The following PDE2A variants were observed in gnomAD, a reference collection of about 807,000 sequenced individuals.
PDE2A encodes the protein phosphodiesterase 2A.
In PDE2A, 53 loss-of-function variants were observed where a neutral mutation model predicts 133.6. The ratio of observed to expected loss-of-function variants is 0.40; its 90% CI spans 0.32 to 0.50. PDE2A has a LOEUF of 0.50. PDE2A is among the 20% of genes least tolerant of loss of function. PDE2A has a pLI of 0.73. For synonymous variants in PDE2A, 491 were observed against 490.2 expected (o/e 1.00, Z -0.02); for missense variants, 796 against 1,232.4 (o/e 0.65, Z 5.30).
intron 2 of PDE2A, among the ~76,000 whole-genome samples, chr11:72,610,032 G>A (rs1206773629): frequency 6.6e-6 from 1 of 152,024 alleles, no homozygotes; most frequent in African/African-American, 2.4e-5. Context: ...TTGTGTCCCA[G>A]GGGCTGACAA....
At chr11:72,642,451 C>A (rs1858999951) in intron 1 of PDE2A, 125 bp from the exon 2 acceptor site, 3 of 1,101,974 alleles carry the variant, frequency 2.7e-6, no homozygotes, top group African/African-American at 1.7e-5. Flanking sequence ...TTCGCCTGGT[C>A]CGCCCGAGTG....
chr11:72,601,583 C>T (rs954483555), intron 4 of PDE2A, among the ~76,000 whole-genome samples: 7 of 152,172 alleles, frequency 4.6e-5, no homozygotes, highest in African/African-American at 1.7e-4. Flanking sequence ...CCGAGGTGGG[C>T]GGTGGGTGCT....
rs943837418 is a variant in PDE2A at position 72,578,591 on chromosome 11, G to C, written c.2470-77C>G. 3 of 1,274,966 alleles carry C rather than the reference G, an allele frequency of 2.4e-6. No individual in the cohort carries two copies. The highest frequency in any genetic ancestry group is 3.4e-5 in the Admixed American group (2 of 59,100). The allele number at this position is 1,274,966 out of a possible 1,614,324, so 79.0% of individuals were successfully genotyped here. On this transcript the variant is annotated intron_variant, in intron 28 of 30. Transcript: ENST00000334456. The surrounding 1 kb of genome is among the most constrained non-coding windows in gnomAD (Gnocchi z 4.2). ...AGCTCCTCTGACAGCCCGTTCCCAG[G>C]AGAGAAAACTGAGGCCCAGGGATTC...
chr11:72,605,205 G>C lies in PDE2A; in HGVS notation c.256C>G (p.Leu86Val). Residue 86 changes from leucine (L) to valine (V), a missense_variant, in exon 4 of 31, where the codon CTG becomes GTG. Leu to Val is a conservative substitution (Grantham distance 32). Transcript: ENST00000334456. ...CACACCAGCTGGGACTCACCATCCA[G>C]TAGGTAGGTGTAGACAGTTTCCTAG... ...PRVETVYTYL[L>V]DGESQLVCED... is the part of the protein sequence containing the mutation. 6.2e-7 allele frequency: 1 copy of C among 1,609,924 alleles called. No homozygotes were observed. Among genetic ancestry groups the C allele is most frequent in the Non-Finnish European group, 8.5e-7 (1 of 1,177,566 alleles).
chr11:72,633,693 A>C (rs763204639), intron 2 of PDE2A, among the ~76,000 whole-genome samples: 8 of 152,158 alleles, frequency 5.3e-5, no homozygotes, highest in Non-Finnish European at 1.2e-4. Context: ...TCTGTGTCCC[A>C]AGGACAGTGT....
At chr11:72,664,935 T>A (rs923255521) in intron 1 of PDE2A, among the ~76,000 whole-genome samples, 1 of 151,832 alleles carries the variant, frequency 6.6e-6, no homozygotes, top group Non-Finnish European at 1.5e-5. Context: ...GCCCCCCGAG[T>A]AGCTGGGATT....
intron 6 of PDE2A, among the ~76,000 whole-genome samples, chr11:72,594,024 T>C (rs1171915361): frequency 6.6e-6 from 1 of 152,124 alleles, no homozygotes; most frequent in Non-Finnish European, 1.5e-5. Context: ...GTAGCTGGGG[T>C]TATGCTCACT....
intron 13 of PDE2A, chr11:72,588,105 A>G (rs555831075): frequency 1.4e-4 from 22 of 152,442 alleles, no homozygotes; most frequent in African/African-American, 5.3e-4. Context: ...CCAAGTGTGA[A>G]CCTGCACCCA....
intron 6 of PDE2A, among the ~76,000 whole-genome samples, chr11:72,594,088 C>A (rs1257852065): frequency 6.6e-6 from 1 of 152,214 alleles, no homozygotes; most frequent in Non-Finnish European, 1.5e-5. Context: ...AAGGCAGGGC[C>A]TGTCTAATCT....
chr11:72,651,618 G>A (rs578077851), intron 1 of PDE2A, among the ~76,000 whole-genome samples: 28 of 152,284 alleles, frequency 1.8e-4, no homozygotes, highest in Admixed American at 1.7e-3. Flanking sequence ...TTGAAAGGTG[G>A]CTGTGAATAC....
intron 25 of PDE2A, 43 bp downstream of exon 25, chr11:72,580,534 C>G (rs1174452027): frequency 6.8e-7 from 1 of 1,461,862 alleles, no homozygotes. Context: ...AAGTCACTGG[C>G]CTTAAAGGGG....
At chr11:72,663,935 C>T (rs1461767229) in intron 1 of PDE2A, among the ~76,000 whole-genome samples, 8 of 152,168 alleles carry the variant, frequency 5.3e-5, no homozygotes, top group African/African-American at 1.7e-4. Context: ...GGTTGTGTGC[C>T]CCAGAGGCCG....
intron 1 of PDE2A, among the ~76,000 whole-genome samples, chr11:72,673,796 CT>C (rs1312467981): frequency 6.6e-6 from 1 of 151,906 alleles, no homozygotes; most frequent in Non-Finnish European, 1.5e-5. Flanking sequence ...CTCCTCCCAA[CT>C]ACTTGGCAGA....
intron 1 of PDE2A, among the ~76,000 whole-genome samples, chr11:72,647,153 C>A (rs899826601): frequency 2.6e-5 from 4 of 152,210 alleles, no homozygotes; most frequent in Non-Finnish European, 5.9e-5. Flanking sequence ...TTGGTCCTGG[C>A]AGATCTCCAT....
intron 1 of PDE2A, among the ~76,000 whole-genome samples, chr11:72,666,626 TG>T (rs1423338009): frequency 1.3e-5 from 2 of 152,090 alleles, no homozygotes; most frequent in East Asian, 3.9e-4. Context: ...GCACAGCAGG[TG>T]TCTGGGCCTT....
At chr11:72,638,201 A>C (rs1858789869) in intron 2 of PDE2A, among the ~76,000 whole-genome samples, 1 of 152,240 alleles carries the variant, frequency 6.6e-6, no homozygotes, top group Admixed American at 6.5e-5. Flanking sequence ...GACCTGCACC[A>C]GTCACCTGAC....
chr11:72,657,574 T>C (rs1372608384), intron 1 of PDE2A, among the ~76,000 whole-genome samples: 1 of 152,154 alleles, frequency 6.6e-6, no homozygotes, highest in African/African-American at 2.4e-5. Flanking sequence ...GGCTGAGCCC[T>C]GACTGGAGGC....
intron 1 of PDE2A, among the ~76,000 whole-genome samples, chr11:72,651,275 G>A (rs546762901): frequency 1.5e-4 from 23 of 152,266 alleles, no homozygotes; most frequent in African/African-American, 5.5e-4. Flanking sequence ...TCCAGCACCT[G>A]GTTTCTATGC....
chr11:72,588,992 C>A lies in PDE2A; in HGVS notation c.940-78G>T, dbSNP rs1223781642. 4 of 1,487,714 alleles carry A rather than the reference C, an allele frequency of 2.7e-6. No homozygotes were observed. In the African/African-American group the frequency reaches 5.5e-5, roughly 21 times the overall value. The allele number at this position is 1,487,714 out of a possible 1,614,324, so 92.2% of individuals were successfully genotyped here. ...TCCTCCAGCCCTCCATCACATTTTG[C>A]AACAGGCAGTTCTAAGGGACTCATG... On this transcript the variant is annotated intron_variant, in intron 12 of 30. Coordinates refer to ENST00000334456, the MANE Select transcript of PDE2A (RefSeq NM_002599.5).
Sources: gnomAD v4.1 joint callset for allele counts (sites outside exome capture counted in the v4.1 genomes callset) on GRCh38, gnomAD v4.1.1 for gene constraint, Gnocchi (gnomAD v3.1) non-coding constraint, MANE v1.5 for transcripts, NCBI Gene and HGNC (gene_info 2026-07-23, HGNC 2026-07-21) for gene names.